USH2A: variants seen among roughly 807,000 people sequenced by gnomAD.
The protein encoded by USH2A is usherin, also known as Usher syndrome 2A (autosomal recessive, mild).
In USH2A, 443 loss-of-function variants were observed where a neutral mutation model predicts 538.9. That is an observed-to-expected ratio of 0.82 (90% confidence interval 0.76 to 0.89). The LOEUF (loss-of-function observed/expected upper bound fraction) is 0.89. Among genes scored for constraint, USH2A ranks in the 40% least tolerant of loss-of-function variants. The pLI is 0.00. For synonymous variants in USH2A, 2,413 were observed against 2,273.5 expected, an observed-to-expected ratio of 1.06 and a Z score of -1.75; for missense variants, 6,633 against 6,324.8, an observed-to-expected ratio of 1.05 and a Z score of -1.65.
chr1:215,783,399 T>C (rs995164399), intron 52 of USH2A, among the ~76,000 whole-genome samples: 1 of 152,216 alleles, frequency 6.6e-6, no homozygotes, highest in Non-Finnish European at 1.5e-5. Flanking sequence ...TGTTACAATA[T>C]ACAGGATTTG....
At chr1:216,343,721 T>C (rs984357493) in intron 4 of USH2A, among the ~76,000 whole-genome samples, 3 of 152,052 alleles carry the variant, frequency 2.0e-5, no homozygotes, top group African/African-American at 7.2e-5. Flanking sequence ...TGGGGTCAGG[T>C]TAATTATCTG....
rs951428982 is a variant in USH2A at position 215,656,013 on chromosome 1, C to T, written c.14134-5212G>A. Among the ~76,000 whole-genome samples the T allele has an allele frequency of 6.6e-5, 10 of 152,242 alleles. No individual in the cohort carries two copies. In the South Asian group the frequency reaches 1.7e-3, roughly 25 times the overall value. ...CCTCACAAAGTGCTGGGATTATAGG[C>T]GTAAGCCACCGCGCCCGGCCTGTGC... On this transcript the variant is annotated intron_variant, in intron 64 of 71. Coordinates refer to ENST00000307340, the MANE Select transcript of USH2A (RefSeq NM_206933.4).
chr1:216,100,800 C>G (rs373580192), intron 21 of USH2A, among the ~76,000 whole-genome samples: 64 of 152,250 alleles, frequency 4.2e-4, no homozygotes, highest in African/African-American at 1.5e-3. Context: ...ACAAGATATA[C>G]GTGGGAATCT....
At chr1:216,382,823 G>A (rs2102735589) in intron 3 of USH2A, among the ~76,000 whole-genome samples, 1 of 152,152 alleles carries the variant, frequency 6.6e-6, no homozygotes, top group Non-Finnish European at 1.5e-5. Flanking sequence ...GGACACTAGA[G>A]TACATACAAC....
At chr1:216,271,669 T>A (rs1413608464) in intron 11 of USH2A, among the ~76,000 whole-genome samples, 1 of 152,106 alleles carries the variant, frequency 6.6e-6, no homozygotes, top group Non-Finnish European at 1.5e-5. Flanking sequence ...GATGCCCTTT[T>A]CAGTTTGAGG....
chr1:216,105,068 A>C (rs1053508344), intron 21 of USH2A, among the ~76,000 whole-genome samples: 18 of 152,232 alleles, frequency 1.2e-4, no homozygotes, highest in Non-Finnish European at 2.2e-4. Flanking sequence ...AATGCTCTTC[A>C]TCACTGGCCA....
chr1:215,786,511 A>G (rs1661804987), intron 52 of USH2A, among the ~76,000 whole-genome samples, 159 bp downstream of exon 52: 1 of 152,218 alleles, frequency 6.6e-6, no homozygotes, highest in African/African-American at 2.4e-5. Flanking sequence ...CATCCAGATT[A>G]TGCCTTTAAT....
chr1:216,199,758 C>T lies in USH2A; in HGVS notation c.3680G>A (p.Gly1227Asp). ...TGTAATGGGCAAGCTGTGTAAACAG[C>T]CCCCGCTAGTACACGCCTGTACAGA... ...DFSVQACTSGGCLHSLPITVT... is the reference protein window; with the variant it reads ...DFSVQACTSGDCLHSLPITVT... The change falls in exon 17 of 72, where the codon GGC becomes GAC. Residue 1227 changes from glycine to aspartate, a missense_variant. Physicochemically the swap from Gly to Asp is moderately conservative, Grantham distance 94. Transcript: ENST00000307340. 2 of 1,614,094 alleles carry T rather than the reference C, an allele frequency of 1.2e-6. No individual in the cohort carries two copies. The highest frequency in any genetic ancestry group is 8.5e-7 in the Non-Finnish European group (1 of 1,180,000).
intron 60 of USH2A, among the ~76,000 whole-genome samples, chr1:215,738,585 T>C (rs1341292005): frequency 1.3e-5 from 2 of 152,086 alleles, no homozygotes; most frequent in Non-Finnish European, 2.9e-5. Context: ...CTTTATTAGG[T>C]CAGATATTTT....
chr1:216,267,895 T>A (rs1489382521), intron 11 of USH2A, among the ~76,000 whole-genome samples: 2 of 152,162 alleles, frequency 1.3e-5, no homozygotes, highest in Non-Finnish European at 2.9e-5. Flanking sequence ...AAAGTTATTT[T>A]GAGTAATTGA....
intron 21 of USH2A, among the ~76,000 whole-genome samples, chr1:216,101,883 C>T (rs1240290263): frequency 6.6e-6 from 1 of 152,122 alleles, no homozygotes; most frequent in Non-Finnish European, 1.5e-5. Context: ...CATGGCCTAA[C>T]ATTCTAAAAA....
chr1:215,686,219 C>A (rs1269334481), intron 61 of USH2A, among the ~76,000 whole-genome samples: 2 of 151,994 alleles, frequency 1.3e-5, no homozygotes, highest in African/African-American at 4.8e-5. Flanking sequence ...TCTAATAGAG[C>A]AAATCAATAA....
At chr1:216,302,142 A>C (rs1206794191) in intron 9 of USH2A, among the ~76,000 whole-genome samples, 1 of 152,238 alleles carries the variant, frequency 6.6e-6, no homozygotes, top group African/African-American at 2.4e-5. Flanking sequence ...GATAGATTTC[A>C]GAGGGGAACA....
intron 11 of USH2A, among the ~76,000 whole-genome samples, chr1:216,282,181 G>A (rs1388172670): frequency 6.6e-5 from 10 of 151,894 alleles, no homozygotes; most frequent in African/African-American, 2.2e-4. Context: ...AATTCTTTGG[G>A]TTGTTTATTT....
At chr1:215,936,570 C>T (rs1666503735) in intron 37 of USH2A, among the ~76,000 whole-genome samples, 1 of 152,028 alleles carries the variant, frequency 6.6e-6, no homozygotes, top group African/African-American at 2.4e-5. Context: ...TTTATCATAT[C>T]CAGCACATAA....
intron 61 of USH2A, among the ~76,000 whole-genome samples, chr1:215,686,336 G>T (rs1471552869): frequency 6.6e-6 from 1 of 152,076 alleles, no homozygotes; most frequent in Non-Finnish European, 1.5e-5. Flanking sequence ...ACTTGGGGAA[G>T]ACTTAATTGA....
At position 216,083,533 on chromosome 1, in the gene USH2A, A is replaced by G; in HGVS notation, c.5221T>C (p.Ser1741Pro). ...MFHGGMNFEI[S>P]FKFRTDQLNG... ...AATTGGTCAGTTCTGAACTTAAAGG[A>G]AATCTCAAAGTTCATTCCACCATGA... The change falls in exon 26 of 72, where the codon TCC becomes CCC. Residue 1741 changes from serine (S) to proline (P), a missense_variant. By Grantham distance (74) the Ser-to-Pro change is moderately conservative. Transcript: ENST00000307340. 1 of 1,612,340 alleles carries G rather than the reference A, an allele frequency of 6.2e-7. No individual in the cohort carries two copies. The highest frequency in any genetic ancestry group is 1.7e-5 in the Admixed American group (1 of 59,842).
intron 61 of USH2A, among the ~76,000 whole-genome samples, chr1:215,713,176 T>A (rs1659387699): frequency 6.6e-6 from 1 of 152,236 alleles, no homozygotes. Context: ...CAACACACTA[T>A]GACACCATGA....
At position 216,299,575 on chromosome 1, in the gene USH2A, A is replaced by T. The variant is rs375082682; in HGVS notation, c.1645-7205T>A. Among the ~76,000 whole-genome samples the T allele has an allele frequency of 1.2e-3, 185 of 152,224 alleles. 4 individuals are homozygous for T. In the South Asian group the frequency reaches 0.037, roughly 31 times the overall value. On this transcript the variant is annotated intron_variant, in intron 9 of 71. Coordinates refer to ENST00000307340, the MANE Select transcript of USH2A (RefSeq NM_206933.4). ...TTTATTTTTTCCACAGTGTACATTT[A>T]TTACTAATGTATTAAAAATTGAGAG... is the stretch of plus-strand genomic sequence containing the variant.
Sources: allele counts gnomAD v4.1 joint callset (sites outside exome capture counted in the v4.1 genomes callset), GRCh38; gene constraint gnomAD v4.1.1; transcripts MANE v1.5; gene names NCBI Gene and HGNC (gene_info 2026-07-23, HGNC 2026-07-21).